Variants in KIF27 observed in about 807,000 individuals in gnomAD.
KIF27 encodes the protein kinesin family member 27.
In KIF27, 84 loss-of-function variants were observed where a neutral mutation model predicts 141.8. That is an observed-to-expected ratio of 0.59 (90% CI 0.50 to 0.71). KIF27 has a LOEUF of 0.71. Among genes scored for constraint, KIF27 ranks in the 30% least tolerant of loss-of-function variants. KIF27 has a pLI of 0.00. For synonymous variants in KIF27, 471 were observed against 569.5 expected (o/e 0.83, Z 2.46); for missense variants, 1,306 against 1,628.4 (o/e 0.80, Z 3.41).
In KIF27 at chr9:83,903,368, TG is replaced by T. The variant is rs1294785884; in HGVS notation, c.1149del (p.Asn384IlefsTer18). The T allele has an allele frequency of 1.2e-6, 2 of 1,614,126 alleles. No homozygotes were observed. Among genetic ancestry groups the T allele is most frequent in the Admixed American group, 1.7e-5 (1 of 60,030 alleles). On this transcript the variant is annotated frameshift_variant, in exon 4 of 18. Coordinates refer to ENST00000297814, the MANE Select transcript of KIF27 (RefSeq NM_017576.4). LOFTEE classifies it high-confidence loss of function. Reference sequence around the variant, plus strand: ...TTTGTATCAGGACTCCCTTCTCGATTGATCTGGGTAGTTTGGCTGACACCAG... The same window carrying T: ...TTTGTATCAGGACTCCCTTCTCGATTATCTGGGTAGTTTGGCTGACACCAG... Reference protein sequence around the residue: ...QQAGVSQTTQINREGSPDTNR... With the variant: ...QQAGVSQTTQXNREGSPDTNR...
At chr9:83,877,573 A>C (rs540275147) in intron 11 of KIF27, among the ~76,000 whole-genome samples, 23 of 152,328 alleles carry the variant, frequency 1.5e-4, no homozygotes, top group African/African-American at 5.1e-4. Flanking sequence ...CAGAAAACAT[A>C]AATCTTCATG....
intron 14 of KIF27, among the ~76,000 whole-genome samples, chr9:83,857,542 T>C (rs1328687423): frequency 6.6e-6 from 1 of 152,234 alleles, no homozygotes; most frequent in Non-Finnish European, 1.5e-5. Flanking sequence ...TCATGCGCCA[T>C]ACTATATTTT....
chr9:83,898,657 A>G (rs1953518396), intron 5 of KIF27: 1 of 152,136 alleles, frequency 6.6e-6, no homozygotes. Flanking sequence ...TTTTTAAATT[A>G]TTATACAATT....
chr9:83,853,455 C>A (rs999824287), intron 15 of KIF27, among the ~76,000 whole-genome samples, 174 bp downstream of exon 15: 8 of 152,324 alleles, frequency 5.3e-5, no homozygotes, highest in African/African-American at 1.9e-4. Context: ...TGGATAATCA[C>A]AAAGCTTTCA....
Position 83,903,667 on chromosome 9 carries a change from G to C in KIF27, c.851C>G (p.Pro284Arg), listed in dbSNP as rs151248208. The stretch of plus-strand genomic sequence containing the variant: ...TGGAATATGTGAACTCTTCCTGCGT[G>C]GGTCCCCAAGAGCGCTTATTACATT... The part of the protein sequence containing the change: ...LGNVISALGD[P>R]RRKSSHIPYR... Residue 284 changes from proline (P) to arginine (R), a missense_variant, in exon 4 of 18, where the codon CCA becomes CGA. Coordinates refer to ENST00000297814, the MANE Select transcript of KIF27 (RefSeq NM_017576.4). 4.3e-6 allele frequency: 7 copies of C among 1,613,972 alleles called. No homozygotes were observed. The African/African-American group carries it at 8.0e-5, about 18-fold the overall frequency.
intron 2 of KIF27, among the ~76,000 whole-genome samples, chr9:83,914,790 T>C (rs2780096): frequency 6.6e-6 from 1 of 152,168 alleles, no homozygotes; most frequent in Non-Finnish European, 1.5e-5. Context: ...CTATATGAGA[T>C]CCTATGATTC....
intron 14 of KIF27, among the ~76,000 whole-genome samples, chr9:83,855,478 A>C (rs1265229501): frequency 6.6e-6 from 1 of 152,236 alleles, no homozygotes; most frequent in Non-Finnish European, 1.5e-5. Flanking sequence ...TTTCAAGAAA[A>C]AAACCCCTTA....
chr9:83,917,136 C>T (rs2132842254), intron 1 of KIF27, among the ~76,000 whole-genome samples: 1 of 152,008 alleles, frequency 6.6e-6, no homozygotes, highest in East Asian at 1.9e-4. Flanking sequence ...TCCCCCCTTC[C>T]CCCACCCCAC....
intron 5 of KIF27, among the ~76,000 whole-genome samples, chr9:83,895,692 T>G (rs528534274): frequency 6.6e-6 from 1 of 151,806 alleles, no homozygotes; most frequent in East Asian, 1.9e-4. Flanking sequence ...GAAATGAAAC[T>G]GTTACTATTT....
At chr9:83,862,570 T>A (rs1187842691) in intron 13 of KIF27, among the ~76,000 whole-genome samples, 1 of 152,186 alleles carries the variant, frequency 6.6e-6, no homozygotes. Context: ...CTGTTTTGGT[T>A]ACTGTAGCCT....
chr9:83,887,938 A>AT lies in KIF27; in HGVS notation c.2083+550dup, dbSNP rs142412532. Reference sequence around the variant, plus strand: ...GCACTTGTATTATCCCTATTCCCTTATTTTTTGTGGGTCAACCACGCATTG... The same window carrying AT: ...GCACTTGTATTATCCCTATTCCCTTATTTTTTTGTGGGTCAACCACGCATTG... On this transcript the variant is annotated intron_variant, in intron 8 of 17. Coordinates refer to ENST00000297814, the MANE Select transcript of KIF27 (RefSeq NM_017576.4). 8.7e-3 allele frequency among the ~76,000 whole-genome samples: 1,319 copies of AT among 151,244 alleles called. 22 individuals are homozygous for AT. Among genetic ancestry groups the AT allele is most frequent in the African/African-American group, 0.031 (1,279 of 41,098 alleles).
chr9:83,902,985 TGTACCCCCAAAATATGTA>T, intron 4 of KIF27, 57 bp downstream of exon 4: 3 of 888,130 alleles, frequency 3.4e-6, no homozygotes, highest in Non-Finnish European at 5.0e-6. Context: ...TGTTAACACA[TGTACCCCCAAAATATGTA>T]CATCTATTAT....
intron 5 of KIF27, 88 bp from the exon 6 acceptor site, chr9:83,891,589 A>C: frequency 1.7e-6 from 2 of 1,181,674 alleles, no homozygotes; most frequent in South Asian, 1.5e-5. Context: ...ATTGACCAAA[A>C]TCATAACTAC....
Position 83,903,371 on chromosome 9 carries a change from T to A in KIF27, c.1147A>T (p.Ile383Phe). The A allele has an allele frequency of 6.2e-7, 1 of 1,614,142 alleles. No individual in the cohort carries two copies. Among genetic ancestry groups the A allele is most frequent in the Non-Finnish European group, 8.5e-7 (1 of 1,180,024 alleles). ...QQAGVSQTTQINREGSPDTNR... is the reference protein window; with the variant it reads ...QQAGVSQTTQFNREGSPDTNR... ...GTATCAGGACTCCCTTCTCGATTGA[T>A]CTGGGTAGTTTGGCTGACACCAGCC... is the stretch of plus-strand genomic sequence containing the variant. Residue 383 changes from isoleucine to phenylalanine, a missense_variant, in exon 4 of 18, where the codon ATC becomes TTC. Physicochemically the swap from Ile to Phe is conservative, Grantham distance 21. Around this residue, in one of 4 missense-constraint regions of KIF27, gnomAD observed 533 missense variants for 565.6 expected, o/e 0.94. Transcript: ENST00000297814.
At chr9:83,881,880 C>G (rs1357844256) in intron 10 of KIF27, among the ~76,000 whole-genome samples, 2 of 152,172 alleles carry the variant, frequency 1.3e-5, no homozygotes, top group Non-Finnish European at 2.9e-5. Context: ...GTCTTTTGCA[C>G]TTATTTCATA....
At chr9:83,844,678 A>G (rs559983810) in intron 16 of KIF27, among the ~76,000 whole-genome samples, 26 of 152,306 alleles carry the variant, frequency 1.7e-4, no homozygotes, top group Non-Finnish European at 3.2e-4. Flanking sequence ...AAATTTGACC[A>G]TATGTGGAGA....
chr9:83,889,965 C>T (rs1423596744), intron 6 of KIF27, among the ~76,000 whole-genome samples: 1 of 152,142 alleles, frequency 6.6e-6, no homozygotes, highest in East Asian at 1.9e-4. Flanking sequence ...GCCTTTATAC[C>T]TTTGTTCTGG....
intron 16 of KIF27, chr9:83,847,746 TAAG>T (rs564514404): frequency 3.1e-4 from 47 of 152,020 alleles, no homozygotes; most frequent in African/African-American, 1.1e-3. Flanking sequence ...CAGAAAAACA[TAAG>T]AAGGTGAGAC....
rs557537347 is a variant in KIF27, at chr9:83,913,184, A to G, written c.298+2110T>C. ...TATCTGAAAGCAAAATCAAAAACAAAAAACAAAGTGAGACTGTCTCTACAA... is the reference window on the plus strand; with the variant it reads ...TATCTGAAAGCAAAATCAAAAACAAGAAACAAAGTGAGACTGTCTCTACAA... On this transcript the variant is annotated intron_variant, in intron 2 of 17. Coordinates refer to ENST00000297814, the MANE Select transcript of KIF27 (RefSeq NM_017576.4). Among the ~76,000 whole-genome samples, 12 of 152,210 alleles carry G rather than the reference A, an allele frequency of 7.9e-5. No individual in the cohort carries two copies. The East Asian group carries it at 2.3e-3, about 29-fold the overall frequency.
Sources: gnomAD v4.1 joint callset for allele counts (sites outside exome capture counted in the v4.1 genomes callset) on GRCh38, gnomAD v4.1.1 for gene constraint, gnomAD v4.1.1 regional missense constraint, MANE v1.5 for transcripts, NCBI Gene and HGNC (gene_info 2026-07-23, HGNC 2026-07-21) for gene names.